VAT1L: variants seen among roughly 807,000 people sequenced by gnomAD.
The protein encoded by VAT1L is vesicle amine transport 1 like.
VAT1L carries 34 observed loss-of-function variants against 44.1 expected under a neutral mutation model. That is an observed-to-expected ratio of 0.77 (90% CI 0.59 to 1.03). The LOEUF (loss-of-function observed/expected upper bound fraction) is 1.03. Ranked by LOEUF, VAT1L falls within the 50% of genes least tolerant of loss-of-function variation. The pLI is 0.00. For synonymous variants in VAT1L, 253 were observed against 202.2 expected (o/e 1.25, Z -2.13); for missense variants, 615 against 538.8 (o/e 1.14, Z -1.40).
In VAT1L at chr16:77,862,925, G is replaced by A. The variant is rs746124152; in HGVS notation, c.722+35G>A. The A allele has an allele frequency of 3.1e-5, 49 of 1,605,886 alleles. 2 individuals carry two copies. In the South Asian group the frequency reaches 4.5e-4, roughly 15 times the overall value. On this transcript the variant is annotated intron_variant, in intron 4 of 8. Transcript: ENST00000302536. ...TTGCTTTTGAAAAAGCACCAGGCTG[G>A]CCCTTGCTCTGCTCTCAAAGAGCAG...
rs548139826 is a variant in VAT1L, at chr16:77,977,263, C to G, written c.1162-334C>G. Among the ~76,000 whole-genome samples the G allele has an allele frequency of 9.2e-5, 14 of 152,308 alleles. No individual in the cohort carries two copies. In the South Asian group the frequency reaches 2.5e-3, roughly 27 times the overall value. Reference sequence around the variant, plus strand: ...GTCCCCCAGGGTCTCTCAGAGGTCCCCAGCAGGACTGAGTCCCACTGCCCA... The same window carrying G: ...GTCCCCCAGGGTCTCTCAGAGGTCCGCAGCAGGACTGAGTCCCACTGCCCA... On this transcript the variant is annotated intron_variant, in intron 8 of 8. Transcript: ENST00000302536.
chr16:77,942,409 C>T (rs542887316), intron 7 of VAT1L, among the ~76,000 whole-genome samples: 6 of 152,088 alleles, frequency 3.9e-5, no homozygotes, highest in African/African-American at 1.4e-4. Context: ...GGTGGGGACA[C>T]AGCCACACCA....
chr16:77,794,828 T>G (rs993523205), intron 1 of VAT1L, among the ~76,000 whole-genome samples: 1 of 152,178 alleles, frequency 6.6e-6, no homozygotes, highest in Non-Finnish European at 1.5e-5. Flanking sequence ...CATTTGATGA[T>G]GAGAAAGAAC....
At chr16:77,945,904 T>C (rs2017956199) in intron 7 of VAT1L, among the ~76,000 whole-genome samples, 1 of 151,250 alleles carries the variant, frequency 6.6e-6, no homozygotes, top group Non-Finnish European at 1.5e-5. Context: ...CCGGTTCAAG[T>C]GATTCTCCTG....
intron 1 of VAT1L, among the ~76,000 whole-genome samples, chr16:77,807,660 T>C (rs1442054807): frequency 1.3e-5 from 2 of 152,192 alleles, no homozygotes; most frequent in Admixed American, 6.5e-5. Context: ...GCATTTTCTT[T>C]GTGTCATAGT....
At chr16:77,893,443 G>A (rs1225051884) in intron 7 of VAT1L, among the ~76,000 whole-genome samples, 9 of 152,250 alleles carry the variant, frequency 5.9e-5, no homozygotes, top group Non-Finnish European at 1.3e-4. Context: ...AGACACTGGT[G>A]TGAAAAAGTT....
intron 3 of VAT1L, among the ~76,000 whole-genome samples, chr16:77,850,864 A>G (rs980822558): frequency 2.6e-5 from 4 of 152,310 alleles, no homozygotes; most frequent in African/African-American, 9.6e-5. Flanking sequence ...AGCCCTGTGA[A>G]GGGGACTTTG....
chr16:77,938,391 A>C (rs926988814), intron 7 of VAT1L, among the ~76,000 whole-genome samples: 7 of 152,226 alleles, frequency 4.6e-5, no homozygotes. Flanking sequence ...CTTATAGTCT[A>C]CTGTGTGGGT....
chr16:77,881,559 T>A (rs1025294710), intron 6 of VAT1L, among the ~76,000 whole-genome samples: 2 of 152,242 alleles, frequency 1.3e-5, no homozygotes, highest in Admixed American at 6.5e-5. Flanking sequence ...TATGGCACTA[T>A]GTGCTATTCA....
In VAT1L at chr16:77,929,544, A is replaced by C. The variant is rs189103819; in HGVS notation, c.1078-42306A>C. On this transcript the variant is annotated intron_variant, in intron 7 of 8. Transcript: ENST00000302536. Reference sequence around the variant, plus strand: ...TATAAATGTAATTTCAAGTGGAAGAAAAGAGCCCCATTTTTCCAAATAGTC... The same window carrying C: ...TATAAATGTAATTTCAAGTGGAAGACAAGAGCCCCATTTTTCCAAATAGTC... Among the ~76,000 whole-genome samples, 18 of 152,314 alleles carry C rather than the reference A, an allele frequency of 1.2e-4. No individual in the cohort carries two copies. The East Asian group carries it at 3.3e-3, about 28-fold the overall frequency.
chr16:77,847,672 A>C (rs538756664), intron 3 of VAT1L, among the ~76,000 whole-genome samples: 7 of 152,292 alleles, frequency 4.6e-5, no homozygotes, highest in African/African-American at 1.7e-4. Context: ...GTGCACATGC[A>C]TCAAAAGGGC....
chr16:77,946,279 C>CTTTTTTTTTTTTTGTTTTTTTTTTTTT (rs2017964209), intron 7 of VAT1L, among the ~76,000 whole-genome samples: 1 of 70,428 alleles, frequency 1.4e-5, no homozygotes, highest in Non-Finnish European at 2.5e-5. Context: ...GTTACTTGTT[C>CTTTTTTTTTTTTTGTTTTTTTTTTTTT]TTTTTTTTTT....
At chr16:77,952,947 A>T (rs2018061538) in intron 7 of VAT1L, among the ~76,000 whole-genome samples, 1 of 151,492 alleles carries the variant, frequency 6.6e-6, no homozygotes, top group South Asian at 2.1e-4. Context: ...TCAGAATGTG[A>T]CTTTATTTGG....
intron 8 of VAT1L, among the ~76,000 whole-genome samples, chr16:77,975,173 T>G (rs1284861912): frequency 1.4e-5 from 2 of 140,240 alleles, no homozygotes; most frequent in Admixed American, 1.5e-4. Flanking sequence ...GCAGAGGTGC[T>G]TTCTCCTACT....
intron 1 of VAT1L, among the ~76,000 whole-genome samples, chr16:77,799,823 C>A (rs2966071): frequency 1.3e-5 from 2 of 151,970 alleles, no homozygotes. Context: ...TGAGGCCCAT[C>A]ATCTTGTAGA....
At chr16:77,828,189 C>T (rs1002166641) in intron 3 of VAT1L, among the ~76,000 whole-genome samples, 1 of 152,212 alleles carries the variant, frequency 6.6e-6, no homozygotes, top group Non-Finnish European at 1.5e-5. Context: ...CTAAGGAGTC[C>T]TGCAGAGAGC....
intron 7 of VAT1L, among the ~76,000 whole-genome samples, chr16:77,919,180 A>ATG (rs1049449912): frequency 6.2e-4 from 94 of 152,124 alleles, no homozygotes; most frequent in African/African-American, 2.2e-3. Context: ...GTGCATGTGC[A>ATG]TGTGTGTGTG....
chr16:77,883,599 G>A (rs749480560), intron 6 of VAT1L, among the ~76,000 whole-genome samples: 4 of 152,040 alleles, frequency 2.6e-5, no homozygotes, highest in African/African-American at 4.8e-5. Context: ...CCCACTAGAC[G>A]CCAGTAGCAC....
intron 7 of VAT1L, among the ~76,000 whole-genome samples, chr16:77,957,781 T>G (rs674146): frequency 0.18 from 26,766 of 148,356 alleles, 2,601 homozygotes; most frequent in South Asian, 0.24. Context: ...AATATAAAAT[T>G]TATAATAATA....
Sources: allele counts gnomAD v4.1 joint callset (sites outside exome capture counted in the v4.1 genomes callset), GRCh38; gene constraint gnomAD v4.1.1; transcripts MANE v1.5; gene names NCBI Gene and HGNC (gene_info 2026-07-23, HGNC 2026-07-21).